CGREF1: variants seen among roughly 807,000 people sequenced by gnomAD.
The protein encoded by CGREF1 is cell growth regulator with EF-hand domain 1.
In CGREF1, 16 loss-of-function variants were observed where a neutral mutation model predicts 17.4. The observed-to-expected ratio is 0.92, with a 90% CI of 0.62 to 1.40. The LOEUF is 1.40. CGREF1 is among the 40% of genes most tolerant of loss of function. The pLI, the probability that CGREF1 is intolerant of heterozygous loss-of-function variation, is 0.00. For synonymous variants in CGREF1, 142 were observed against 154.6 expected (o/e 0.92, Z 0.61); for missense variants, 296 against 376.4 (o/e 0.79, Z 1.77).
chr2:27,100,706 G>A lies in CGREF1; in HGVS notation c.*568C>T. 1 of 1,116,458 alleles carries A rather than the reference G, an allele frequency of 9.0e-7. No individual in the cohort carries two copies. Among genetic ancestry groups the A allele is most frequent in the Non-Finnish European group, 1.1e-6 (1 of 873,762 alleles). 69.2% of individuals were successfully genotyped at this position (1,116,458 alleles called of 1,614,324 possible). ...ATGGAACCAATTCTGCTTGGCTACAGAATTATTGTGAGGATAAAATCATAT... is the reference window on the plus strand; with the variant it reads ...ATGGAACCAATTCTGCTTGGCTACAAAATTATTGTGAGGATAAAATCATAT... On this transcript the variant is annotated 3_prime_UTR_variant, in exon 6 of 6. Coordinates refer to ENST00000402394, the MANE Select transcript of CGREF1 (RefSeq NM_006569.6).
chr2:27,108,364 A>G (rs939168773), intron 1 of CGREF1, among the ~76,000 whole-genome samples: 2 of 152,260 alleles, frequency 1.3e-5, no homozygotes, highest in Non-Finnish European at 2.9e-5. Flanking sequence ...TGAATAAATT[A>G]TCCAGAGTGC....
intron 4 of CGREF1, 56 bp downstream of exon 4, chr2:27,102,304 C>T: frequency 6.2e-7 from 1 of 1,613,366 alleles, no homozygotes; most frequent in East Asian, 2.2e-5. Flanking sequence ...GAGGTCAGTC[C>T]CAGATCTGGC....
At chr2:27,103,466 G>A (rs1342397785) in intron 2 of CGREF1, among the ~76,000 whole-genome samples, 4 of 151,668 alleles carry the variant, frequency 2.6e-5, no homozygotes, top group South Asian at 2.1e-4. Flanking sequence ...TCCACCTCCC[G>A]GGTTCAAGCG....
chr2:27,110,245 T>A (rs114694544), intron 1 of CGREF1, among the ~76,000 whole-genome samples: 5,693 of 151,998 alleles, frequency 0.037, 363 homozygotes, highest in African/African-American at 0.13. Flanking sequence ...AAATAATTTT[T>A]AAAAAAATTA....
At chr2:27,114,925 AG>A (rs1671519851) in intron 1 of CGREF1, among the ~76,000 whole-genome samples, 1 of 152,162 alleles carries the variant, frequency 6.6e-6, no homozygotes, top group African/African-American at 2.4e-5. Context: ...TGTGTGTGAC[AG>A]GGTCTCACAT....
chr2:27,100,775 A>G lies in CGREF1; in HGVS notation c.*499T>C. Reference sequence around the variant, plus strand: ...TGCCTGATGTGTACAAGGCTCTCAAAAAGTTCTAGTGATGATTAATATTAC... The same window carrying G: ...TGCCTGATGTGTACAAGGCTCTCAAGAAGTTCTAGTGATGATTAATATTAC... On this transcript the variant is annotated 3_prime_UTR_variant, in exon 6 of 6. Transcript: ENST00000402394. The G allele has an allele frequency of 2.7e-6, 3 of 1,122,454 alleles. No homozygotes were observed. Among genetic ancestry groups the G allele is most frequent in the South Asian group, 2.0e-5 (1 of 49,762 alleles). The allele number at this position is 1,122,454 out of a possible 1,614,324, so 69.5% of individuals were successfully genotyped here.
intron 1 of CGREF1, among the ~76,000 whole-genome samples, chr2:27,116,991 T>C (rs1438496319): frequency 7.1e-6 from 1 of 141,804 alleles, no homozygotes; most frequent in Non-Finnish European, 1.5e-5. Flanking sequence ...CTACTCACCA[T>C]AGTCTCCACT....
At chr2:27,117,260 AC>A (rs2148402241) in intron 1 of CGREF1, among the ~76,000 whole-genome samples, 1 of 152,234 alleles carries the variant, frequency 6.6e-6, no homozygotes, top group East Asian at 1.9e-4. Context: ...CAAGTAACCC[AC>A]CTCAGTGGTT....
chr2:27,106,510 G>A (rs1205196663), intron 1 of CGREF1, among the ~76,000 whole-genome samples: 1 of 152,200 alleles, frequency 6.6e-6, no homozygotes, highest in Admixed American at 6.5e-5. Flanking sequence ...TCATGAAGAA[G>A]GGCAGCAAAG....
intron 1 of CGREF1, among the ~76,000 whole-genome samples, chr2:27,107,057 A>T (rs995133896): frequency 3.3e-5 from 5 of 152,224 alleles, no homozygotes; most frequent in Non-Finnish European, 5.9e-5. Flanking sequence ...TCTCTGGAGC[A>T]ACTCTAATCC....
At chr2:27,103,072 G>A in intron 2 of CGREF1, 1 of 985,364 alleles carries the variant, frequency 1.0e-6, no homozygotes, top group African/African-American at 1.7e-5. Flanking sequence ...GTATCTGTTG[G>A]TTCTGGGGTT....
chr2:27,109,913 C>CAAAAAAA (rs1671290866), intron 1 of CGREF1, among the ~76,000 whole-genome samples: 1 of 83,944 alleles, frequency 1.2e-5, no homozygotes, highest in African/African-American at 4.2e-5. Flanking sequence ...AAAAAAAAAG[C>CAAAAAAA]ATGTTAAAAT....
chr2:27,118,734 T>G (rs1040873416), intron 1 of CGREF1, 112 bp downstream of exon 1: 5 of 152,364 alleles, frequency 3.3e-5, no homozygotes, highest in African/African-American at 1.2e-4. Flanking sequence ...GCAGAGGGAC[T>G]GCGCTCTCGG....
rs1558466859 is a variant in CGREF1, at chr2:27,116,900, T to TCC, written c.-12+1945_-12+1946insGG. Among the ~76,000 whole-genome samples the TCC allele has an allele frequency of 9.8e-5, 13 of 133,062 alleles. 1 individual carries two copies. Among genetic ancestry groups the TCC allele is most frequent in the African/African-American group, 3.7e-4 (13 of 34,788 alleles). 87.3% of individuals were successfully genotyped at this position (133,062 alleles called of 152,430 possible). On this transcript the variant is annotated intron_variant, in intron 1 of 5. Coordinates refer to ENST00000402394, the MANE Select transcript of CGREF1 (RefSeq NM_006569.6). ...CTCTCTCTCTCTCTCTCTCTCTCTC[T>TCC]CTCTCTCTCTCTCTCTCTCTCTCTT...
chr2:27,104,265 C>T, intron 2 of CGREF1, 22 bp downstream of exon 2: 1 of 1,535,148 alleles, frequency 6.5e-7, no homozygotes, highest in South Asian at 1.3e-5. Context: ...AGCCCTTGGC[C>T]CTGCCCTCAT....
intron 1 of CGREF1, among the ~76,000 whole-genome samples, chr2:27,107,250 A>G (rs921076123): frequency 2.9e-5 from 1 of 34,546 alleles, no homozygotes; most frequent in African/African-American, 1.2e-4. Context: ...TACAGTTCAC[A>G]TTTTTTTTGT....
chr2:27,107,804 G>A lies in CGREF1; in HGVS notation c.-11-3427C>T, dbSNP rs377352038. 1.0e-4 allele frequency among the ~76,000 whole-genome samples: 14 copies of A among 138,660 alleles called. No individual in the cohort carries two copies. The East Asian group carries it at 3.1e-3, about 30-fold the overall frequency. The allele number at this position is 138,660 out of a possible 152,430, so 91.0% of individuals were successfully genotyped here. On this transcript the variant is annotated intron_variant, in intron 1 of 5. Transcript: ENST00000402394. ...AAAAAATTAGCCAGGCGTGGTGGTG[G>A]GCACCTGTAATCCCAGCTACTCGGG...
chr2:27,101,085 ATTCAG>A lies in CGREF1; in HGVS notation c.*184_*188del. 1 of 1,353,232 alleles carries A rather than the reference ATTCAG, an allele frequency of 7.4e-7. No homozygotes were observed. Among genetic ancestry groups the A allele is most frequent in the Non-Finnish European group, 9.4e-7 (1 of 1,059,544 alleles). 83.8% of individuals were successfully genotyped at this position (1,353,232 alleles called of 1,614,324 possible). The stretch of plus-strand genomic sequence containing the variant: ...GAGAGGTGGCCGGGGGGATGAATTC[ATTCAG>A]TTCTTTATTGGTAATCTGCCCCTTA... On this transcript the variant is annotated 3_prime_UTR_variant, in exon 6 of 6. Coordinates refer to ENST00000402394, the MANE Select transcript of CGREF1 (RefSeq NM_006569.6).
rs112508475 is a variant in CGREF1 at position 27,111,472 on chromosome 2, G to A, written c.-11-7095C>T. On this transcript the variant is annotated intron_variant, in intron 1 of 5. Transcript: ENST00000402394. ...TTCACCCAGTGGATCCTGCACCGGG[G>A]CCGCAGGTGGAGCTGCCTGTCAGTC... is the stretch of plus-strand genomic sequence containing the variant. Among the ~76,000 whole-genome samples the A allele has an allele frequency of 2.7e-3, 409 of 152,348 alleles. 3 individuals carry two copies. Among genetic ancestry groups the A allele is most frequent in the African/African-American group, 7.7e-3 (321 of 41,592 alleles).
Sources: gnomAD v4.1 joint callset for allele counts (sites outside exome capture counted in the v4.1 genomes callset) on GRCh38, gnomAD v4.1.1 for gene constraint, MANE v1.5 for transcripts, NCBI Gene and HGNC (gene_info 2026-07-23, HGNC 2026-07-21) for gene names.